The following MAP2 variants were observed in gnomAD, a reference collection of about 807,000 sequenced individuals.
The protein encoded by MAP2 is microtubule associated protein 2.
MAP2 carries 14 observed loss-of-function variants against 137.6 expected under a neutral mutation model. The observed-to-expected ratio is 0.10, with a 90% CI of 0.07 to 0.16. The LOEUF (loss-of-function observed/expected upper bound fraction) is 0.16, where lower values mean the gene tolerates loss of function less well. MAP2 is among the 10% of genes least tolerant of loss of function. The pLI, the probability that MAP2 is intolerant of heterozygous loss-of-function variation, is 1.00. For missense variants in MAP2, 2,088 were observed against 2,191.5 expected (o/e 0.95, Z 0.94); for synonymous variants, 786 against 782.3 (o/e 1.00, Z -0.08).
chr2:209,718,705 G>A (rs1368549215), intron 13 of MAP2, among the ~76,000 whole-genome samples: 2 of 152,162 alleles, frequency 1.3e-5, no homozygotes, highest in African/African-American at 4.8e-5. Context: ...TTGTGGAATT[G>A]TGCATTTTGA....
intron 7 of MAP2, among the ~76,000 whole-genome samples, chr2:209,683,475 A>G (rs1054788136): frequency 1.3e-5 from 2 of 152,238 alleles, no homozygotes; most frequent in Non-Finnish European, 2.9e-5. Context: ...AATATGTAAA[A>G]GATTTGTGGT....
intron 4 of MAP2, among the ~76,000 whole-genome samples, chr2:209,646,963 G>A (rs1268357711): frequency 1.3e-5 from 2 of 152,066 alleles, no homozygotes; most frequent in African/African-American, 4.8e-5. Flanking sequence ...AAGAAAAGAG[G>A]TTCAGTTGCC....
intron 1 of MAP2, among the ~76,000 whole-genome samples, chr2:209,451,153 C>T (rs764908427): frequency 6.6e-6 from 1 of 152,078 alleles, no homozygotes; most frequent in Non-Finnish European, 1.5e-5. Flanking sequence ...CACCTAGATA[C>T]AGAAGGTTCT....
intron 6 of MAP2, among the ~76,000 whole-genome samples, chr2:209,679,738 A>G (rs1687141164): frequency 6.6e-6 from 1 of 152,090 alleles, no homozygotes. Context: ...CTCTTAAAAC[A>G]CATAGAGAAT....
At position 209,696,328 on chromosome 2, in the gene MAP2, C is replaced by T; in HGVS notation, c.4158C>T (p.Asp1386=). Residue 1386 remains aspartate, a synonymous_variant, in exon 8 of 16, where the codon GAC becomes GAT. Coordinates refer to ENST00000682079, the MANE Select transcript of MAP2 (RefSeq NM_001375505.1). ...TTIDDSIMDA[D]SLWVDTQDDD... ...TTGACGACTCCATCATGGACGCTGA[C>T]AGCCTCTGGGTGGACACTCAAGGTG... The T allele has an allele frequency of 3.2e-6, 5 of 1,564,770 alleles. No individual in the cohort carries two copies. The highest frequency in any genetic ancestry group is 3.4e-6 in the Non-Finnish European group (4 of 1,162,606).
At chr2:209,647,972 T>C (rs1218926086) in intron 4 of MAP2, among the ~76,000 whole-genome samples, 1 of 152,160 alleles carries the variant, frequency 6.6e-6, no homozygotes, top group East Asian at 1.9e-4. Flanking sequence ...ACAATATTTT[T>C]TCTTTTTTTT....
intron 2 of MAP2, among the ~76,000 whole-genome samples, chr2:209,553,398 GGTTCATAAACCA>G (rs2069704080): frequency 6.6e-6 from 1 of 152,078 alleles, no homozygotes; most frequent in Non-Finnish European, 1.5e-5. Flanking sequence ...GGTGTTGCCT[GGTTCATAAACCA>G]GATGCTTGTG....
chr2:209,514,279 T>A (rs2062148179), intron 2 of MAP2, among the ~76,000 whole-genome samples: 1 of 152,124 alleles, frequency 6.6e-6, no homozygotes, highest in Admixed American at 6.6e-5. Context: ...TTTCCCAAAT[T>A]AAACCTAATA....
chr2:209,696,164 G>A lies in MAP2; in HGVS notation c.3994G>A (p.Glu1332Lys). ...ATCTCCTCATGATGAAGAAGAGTTT[G>A]AAGTAGAAGAGGCAGCTGAAGCCCA... is the stretch of plus-strand genomic sequence containing the variant. Reference protein sequence around the residue: ...RPSPHDEEEFEVEEAAEAQAE... With the variant: ...RPSPHDEEEFKVEEAAEAQAE... Residue 1332 changes from glutamate (E) to lysine (K), a missense_variant, in exon 8 of 16, where the codon GAA (glutamate) becomes AAA (lysine). By Grantham distance (56) the Glu-to-Lys change is moderately conservative. Around this residue, in one of 6 missense-constraint regions of MAP2, gnomAD observed 591 missense variants for 642.6 expected, o/e 0.92. Coordinates refer to ENST00000682079, the MANE Select transcript of MAP2 (RefSeq NM_001375505.1). 1.2e-6 allele frequency: 2 copies of A among 1,612,640 alleles called. No individual in the cohort carries two copies. The highest frequency in any genetic ancestry group is 1.7e-6 in the Non-Finnish European group (2 of 1,179,474).
At chr2:209,573,296 C>CTTTTTTT (rs1559336081) in intron 2 of MAP2, among the ~76,000 whole-genome samples, 1 of 127,394 alleles carries the variant, frequency 7.8e-6, no homozygotes. Flanking sequence ...TTTTCTTTTT[C>CTTTTTTT]TGTTTTTTTT....
At chr2:209,673,479 G>A (rs1275844687) in intron 5 of MAP2, among the ~76,000 whole-genome samples, 1 of 151,626 alleles carries the variant, frequency 6.6e-6, no homozygotes. Context: ...AAGACAGAAT[G>A]GAACATTCAC....
chr2:209,713,856 T>C (rs115582157), intron 13 of MAP2, among the ~76,000 whole-genome samples: 6,803 of 152,268 alleles, frequency 0.045, 200 homozygotes, highest in African/African-American at 0.085. Context: ...TTGACAGATA[T>C]CTTGTTTTTC....
chr2:209,585,047 T>A (rs923545326), intron 3 of MAP2, among the ~76,000 whole-genome samples: 3 of 152,020 alleles, frequency 2.0e-5, no homozygotes, highest in Admixed American at 6.6e-5. Context: ...TGAAGAGGTA[T>A]GTTTAGGACA....
chr2:209,569,943 C>A (rs288080), intron 2 of MAP2, among the ~76,000 whole-genome samples: 14,841 of 151,654 alleles, frequency 0.098, 1,903 homozygotes, highest in African/African-American at 0.29. Context: ...CTTTAAAAAC[C>A]CATGAGCCTA....
At chr2:209,462,133 AATT>A (rs1345801647) in intron 1 of MAP2, among the ~76,000 whole-genome samples, 1 of 152,194 alleles carries the variant, frequency 6.6e-6, no homozygotes, top group Non-Finnish European at 1.5e-5. Context: ...AATTCAATTC[AATT>A]TTTGACAACT....
intron 1 of MAP2, among the ~76,000 whole-genome samples, chr2:209,500,567 G>A (rs2060253526): frequency 6.6e-6 from 1 of 152,030 alleles, no homozygotes; most frequent in African/African-American, 2.4e-5. Flanking sequence ...CAAAAGCCCT[G>A]TTAGTATTTC....
rs375399555 is a variant in MAP2 at position 209,644,574 on chromosome 2, AT to A, written c.-29-8566del. Reference sequence around the variant, plus strand: ...ATTGATTAATTAATATTCATTCAACATTGAATACATATTTGAAAGCTGGGAG... The same window carrying A: ...ATTGATTAATTAATATTCATTCAACATGAATACATATTTGAAAGCTGGGAG... On this transcript the variant is annotated intron_variant, in intron 4 of 15. Coordinates refer to ENST00000682079, the MANE Select transcript of MAP2 (RefSeq NM_001375505.1). Among the ~76,000 whole-genome samples, 466 of 151,400 alleles carry A rather than the reference AT, an allele frequency of 3.1e-3. 3 individuals carry two copies. Among genetic ancestry groups the A allele is most frequent in the African/African-American group, 0.011 (440 of 41,294 alleles).
chr2:209,528,782 GTA>G (rs535453056), intron 2 of MAP2, among the ~76,000 whole-genome samples: 3,277 of 147,352 alleles, frequency 0.022, 128 homozygotes, highest in African/African-American at 0.081. Flanking sequence ...ATGTACATAT[GTA>G]TGTATATATG....
Position 209,710,114 on chromosome 2 carries a change from G to A in MAP2, c.4933G>A (p.Ala1645Thr), listed in dbSNP as rs769870490. The A allele has an allele frequency of 5.6e-6, 9 of 1,613,890 alleles. No individual in the cohort carries two copies. Among genetic ancestry groups the A allele is most frequent in the African/African-American group, 1.3e-5 (1 of 74,950 alleles). Reference protein sequence around the residue: ...AILVPSEKKVAIIRTPPKSPA... With the variant: ...AILVPSEKKVTIIRTPPKSPA... ...CTTGGTGCCGAGTGAGAAGAAGGTCGCCATCATACGTACTCCTCCAAAATC... is the reference window on the plus strand; with the variant it reads ...CTTGGTGCCGAGTGAGAAGAAGGTCACCATCATACGTACTCCTCCAAAATC... Residue 1645 changes from alanine (A) to threonine (T), a missense_variant, in exon 13 of 16, where the codon GCC becomes ACC. Ala to Thr is a moderately conservative substitution (Grantham distance 58). Transcript: ENST00000682079.
Sources: gnomAD v4.1 joint callset for allele counts (sites outside exome capture counted in the v4.1 genomes callset) on GRCh38, gnomAD v4.1.1 for gene constraint, gnomAD v4.1.1 regional missense constraint, MANE v1.5 for transcripts, NCBI Gene and HGNC (gene_info 2026-07-23, HGNC 2026-07-21) for gene names.